Variants in CYB5R4 observed in about 807,000 individuals in gnomAD.
CYB5R4 encodes cytochrome b5 reductase 4.
CYB5R4 carries 55 observed loss-of-function variants against 70.2 expected under a neutral mutation model. That is an observed-to-expected ratio of 0.78 (90% CI 0.63 to 0.98). The LOEUF (loss-of-function observed/expected upper bound fraction) is 0.98. Ranked by LOEUF, CYB5R4 falls within the 50% of genes least tolerant of loss-of-function variation. CYB5R4 has a pLI of 0.00. For missense variants in CYB5R4, 562 were observed against 612.6 expected (o/e 0.92, Z 0.87); for synonymous variants, 197 against 199.5 (o/e 0.99, Z 0.11).
chr6:83,940,701 C>T, intron 14 of CYB5R4, 100 bp downstream of exon 14: 1 of 1,323,196 alleles, frequency 7.6e-7, no homozygotes, highest in Non-Finnish European at 1.0e-6. Flanking sequence ...CCAGGAAGCT[C>T]CTTCAAAGAA....
At chr6:83,886,672 T>G (rs750457063) in intron 2 of CYB5R4, among the ~76,000 whole-genome samples, 3 of 152,214 alleles carry the variant, frequency 2.0e-5, no homozygotes, top group African/African-American at 4.8e-5. Flanking sequence ...TACTGTTAAA[T>G]TGTAATATCT....
At chr6:83,864,481 G>C (rs565170246) in intron 2 of CYB5R4, among the ~76,000 whole-genome samples, 153 bp downstream of exon 2, 1 of 152,210 alleles carries the variant, frequency 6.6e-6, no homozygotes, top group East Asian at 1.9e-4. Flanking sequence ...TCTGACTTTG[G>C]ATAGTATTTC....
Position 83,966,551 on chromosome 6 carries a change from T to TGTG in CYB5R4, c.*6676_*6678dup, listed in dbSNP as rs2099474106. 6.6e-6 allele frequency: 1 copy of TGTG among 151,892 alleles called. No individual in the cohort carries two copies. Among genetic ancestry groups the TGTG allele is most frequent in the African/African-American group, 2.4e-5 (1 of 41,334 alleles). The allele number at this position is 151,892 out of a possible 1,614,324, so 9.4% of individuals were successfully genotyped here. A position where few individuals can be genotyped will look rare whatever the true frequency, so the allele number is the denominator to read the frequency against. On this transcript the variant is annotated 3_prime_UTR_variant, in exon 16 of 16. Transcript: ENST00000369681. ...TACTAAAAATACAAAATTAGCCAGGTGTGGTAGCATAGGCCTGTAATCCCT... is the reference window on the plus strand; with the variant it reads ...TACTAAAAATACAAAATTAGCCAGGTGTGGTGGTAGCATAGGCCTGTAATCCCT...
At chr6:83,859,934 A>G (rs989478646) in intron 1 of CYB5R4, 77 bp downstream of exon 1, 145 of 1,353,356 alleles carry the variant, frequency 1.1e-4, no homozygotes, top group Non-Finnish European at 1.3e-4. Flanking sequence ...TTCCGCCCCA[A>G]CTCCCAGCTC....
In CYB5R4 at chr6:83,955,307, T is replaced by C. The variant is rs774175749; in HGVS notation, c.1356T>C (p.Val452=). The part of the protein sequence containing the change: ...KLAFKDKRLD[V]EFVLSAPISE... ...TTTTTCTTTTCCCTAGACTGGATGT[T>C]GAATTTGTTCTCTCAGCACCTATTT... Residue 452 remains valine, a synonymous_variant, in exon 15 of 16, where the codon GTT becomes GTC. Coordinates refer to ENST00000369681, the MANE Select transcript of CYB5R4 (RefSeq NM_016230.4). 8.7e-6 allele frequency: 14 copies of C among 1,610,966 alleles called. No homozygotes were observed. In the Admixed American group the frequency reaches 2.3e-4, roughly 27 times the overall value.
chr6:83,870,351 T>A (rs2099457400), intron 2 of CYB5R4, among the ~76,000 whole-genome samples: 1 of 152,132 alleles, frequency 6.6e-6, no homozygotes, highest in Admixed American at 6.5e-5. Context: ...CTTTAGATTA[T>A]CTTTTATTTA....
chr6:83,953,399 T>A (rs1441960063), intron 14 of CYB5R4, among the ~76,000 whole-genome samples: 1 of 151,672 alleles, frequency 6.6e-6, no homozygotes, highest in Non-Finnish European at 1.5e-5. Context: ...TGATTCCTAG[T>A]TTTGTGAGAT....
At chr6:83,919,271 A>G (rs2099465989) in intron 6 of CYB5R4, 126 bp from the exon 7 acceptor site, 1 of 532,280 alleles carries the variant, frequency 1.9e-6, no homozygotes, top group Non-Finnish European at 3.3e-6. Flanking sequence ...GTTTATTTAG[A>G]AAAAAAGCTT....
In CYB5R4 at chr6:83,859,699, T is replaced by G; in HGVS notation, c.-84T>G. On this transcript the variant is annotated 5_prime_UTR_variant, in exon 1 of 16. Transcript: ENST00000369681. ...CCGGAAGTGGGTCGGGGGCTTGGCC[T>G]CTGCCCGGCCACAGAGCCGGAGCTG... The G allele has an allele frequency of 2.0e-6, 3 of 1,491,542 alleles. No homozygotes were observed. Among genetic ancestry groups the G allele is most frequent in the East Asian group, 2.3e-5 (1 of 42,886 alleles). 92.4% of individuals were successfully genotyped at this position (1,491,542 alleles called of 1,614,324 possible).
At chr6:83,941,862 G>A (rs1482533459) in intron 14 of CYB5R4, among the ~76,000 whole-genome samples, 1 of 152,156 alleles carries the variant, frequency 6.6e-6, no homozygotes, top group Non-Finnish European at 1.5e-5. Flanking sequence ...AATTGGAAGC[G>A]TTTATCAAGA....
chr6:83,876,498 C>CTTT (rs11399515), intron 2 of CYB5R4, among the ~76,000 whole-genome samples: 218 of 144,036 alleles, frequency 1.5e-3, no homozygotes, highest in African/African-American at 5.3e-3. Context: ...TACTTCTTTG[C>CTTT]TTTTTTTTTT....
rs1170786787 is a variant in CYB5R4 at position 83,936,323 on chromosome 6, T to C, written c.1055T>C (p.Ile352Thr). 1.2e-6 allele frequency: 2 copies of C among 1,612,928 alleles called. No individual in the cohort carries two copies. Among genetic ancestry groups the C allele is most frequent in the Non-Finnish European group, 1.7e-6 (2 of 1,179,508 alleles). The change falls in exon 12 of 16, where the codon ATA (isoleucine) becomes ACA (threonine). Residue 352 changes from isoleucine (I) to threonine (T), a missense_variant. Ile to Thr is a moderately conservative substitution (Grantham distance 89, BLOSUM62 -1). Coordinates refer to ENST00000369681, the MANE Select transcript of CYB5R4 (RefSeq NM_016230.4). ...LPNNKYIYFLIKIYPTGLFTP... is the reference protein window; with the variant it reads ...LPNNKYIYFLTKIYPTGLFTP... ...AACAATAAATACATCTACTTTTTGA[T>C]AAAAATCTATCCCACTGGACTCTTC...
At chr6:83,916,661 T>C (rs1343130464) in intron 5 of CYB5R4, among the ~76,000 whole-genome samples, 2 of 152,152 alleles carry the variant, frequency 1.3e-5, no homozygotes, top group African/African-American at 2.4e-5. Context: ...TGCAGAGTTA[T>C]GTGGGAAGAA....
chr6:83,939,657 G>A (rs563544810), intron 12 of CYB5R4, among the ~76,000 whole-genome samples: 1 of 152,238 alleles, frequency 6.6e-6, no homozygotes, highest in East Asian at 1.9e-4. Context: ...TCTGTACCAG[G>A]TAAGACAAAT....
At chr6:83,921,599 G>A (rs182614876) in intron 8 of CYB5R4, among the ~76,000 whole-genome samples, 1 of 152,254 alleles carries the variant, frequency 6.6e-6, no homozygotes, top group African/African-American at 2.4e-5. Context: ...CTACAAATTT[G>A]TATTGTATCC....
intron 2 of CYB5R4, among the ~76,000 whole-genome samples, chr6:83,871,819 A>G (rs2099457678): frequency 1.3e-5 from 2 of 151,990 alleles, no homozygotes; most frequent in Non-Finnish European, 2.9e-5. Context: ...TTTAAGTTCT[A>G]TGATATACCC....
intron 14 of CYB5R4, among the ~76,000 whole-genome samples, chr6:83,947,915 G>A (rs1412879753): frequency 2.0e-5 from 3 of 152,170 alleles, no homozygotes; most frequent in South Asian, 2.1e-4. Flanking sequence ...CTTTTACACT[G>A]TTGGCAGGAG....
At position 83,908,122 on chromosome 6, in the gene CYB5R4, C is replaced by T. The variant is rs535281605; in HGVS notation, c.331-887C>T. Reference sequence around the variant, plus strand: ...AGTTGTATAAACATCCTCTTTTCTCCGCAACCTCGCCAACATCTGTTATTT... The same window carrying T: ...AGTTGTATAAACATCCTCTTTTCTCTGCAACCTCGCCAACATCTGTTATTT... On this transcript the variant is annotated intron_variant, in intron 3 of 15. Coordinates refer to ENST00000369681, the MANE Select transcript of CYB5R4 (RefSeq NM_016230.4). Among the ~76,000 whole-genome samples, 9 of 152,212 alleles carry T rather than the reference C, an allele frequency of 5.9e-5. No individual in the cohort carries two copies. In the South Asian group the frequency reaches 6.2e-4, roughly 11 times the overall value.
At chr6:83,873,036 C>A (rs2099457896) in intron 2 of CYB5R4, among the ~76,000 whole-genome samples, 1 of 152,096 alleles carries the variant, frequency 6.6e-6, no homozygotes, top group African/African-American at 2.4e-5. Context: ...TAAGCCTTTA[C>A]ACTTAAACTA....
Sources: allele counts gnomAD v4.1 joint callset (sites outside exome capture counted in the v4.1 genomes callset), GRCh38; gene constraint gnomAD v4.1.1; transcripts MANE v1.5; gene names NCBI Gene and HGNC (gene_info 2026-07-23, HGNC 2026-07-21).